The following RIMS3 variants were observed in gnomAD, a reference collection of about 807,000 sequenced individuals.
The protein encoded by RIMS3 is regulating synaptic membrane exocytosis 3.
Under a neutral mutation model 29.2 loss-of-function variants are expected in RIMS3, and 15 were observed. That is an observed-to-expected ratio of 0.51 (90% confidence interval 0.34 to 0.79). The LOEUF (loss-of-function observed/expected upper bound fraction) is 0.79. RIMS3 is among the 30% of genes least tolerant of loss of function. The pLI, the probability that RIMS3 is intolerant of heterozygous loss-of-function variation, is 0.01. For synonymous variants in RIMS3, 161 were observed against 170.1 expected (o/e 0.95, Z 0.41); for missense variants, 342 against 421.4 (o/e 0.81, Z 1.65).
At chr1:40,644,974 T>C (rs1428252536) in intron 2 of RIMS3, among the ~76,000 whole-genome samples, 1 of 152,192 alleles carries the variant, frequency 6.6e-6, no homozygotes, top group Non-Finnish European at 1.5e-5. Context: ...CAGCTGAGAA[T>C]GGTCACCTGG....
At chr1:40,685,358 TAATATAA>T in the RIMS3 span, among the ~76,000 whole-genome samples, 3 of 45,924 alleles carry the variant, frequency 6.5e-5, no homozygotes, top group Admixed American at 1.7e-4. Flanking sequence ...ATATATTATA[TAATATAA>T]TATATATTAA....
chr1:40,634,205 C>T (rs1388751190), intron 4 of RIMS3, among the ~76,000 whole-genome samples: 2 of 152,128 alleles, frequency 1.3e-5, no homozygotes, highest in African/African-American at 2.4e-5. Context: ...GGAAGAATCT[C>T]CTACTAGATA....
At chr1:40,643,640 C>G (rs756050401) in intron 2 of RIMS3, among the ~76,000 whole-genome samples, 3 of 151,944 alleles carry the variant, frequency 2.0e-5, no homozygotes, top group Non-Finnish European at 2.9e-5. Context: ...CCATGCTCAG[C>G]TAATTTTTTT....
At chr1:40,672,194 A>ATTTTTTTT in the RIMS3 span, among the ~76,000 whole-genome samples, 2 of 106,986 alleles carry the variant, frequency 1.9e-5, no homozygotes, top group Non-Finnish European at 1.9e-5. Flanking sequence ...TAGCTAGATG[A>ATTTTTTTT]TTTTTTTTTT....
At chr1:40,645,574 G>A (rs1426417508) in intron 2 of RIMS3, among the ~76,000 whole-genome samples, 1 of 152,120 alleles carries the variant, frequency 6.6e-6, no homozygotes, top group Non-Finnish European at 1.5e-5. Context: ...GTGTCTATAT[G>A]AGAAAAGCCC....
chr1:40,657,804 C>G (rs1642292603), intron 1 of RIMS3, among the ~76,000 whole-genome samples: 1 of 149,734 alleles, frequency 6.7e-6, no homozygotes, highest in Non-Finnish European at 1.5e-5. Flanking sequence ...CCTGTAGTCC[C>G]AACTTCTTGG....
At chr1:40,662,056 A>C (rs1642360585) in intron 1 of RIMS3, among the ~76,000 whole-genome samples, 1 of 152,210 alleles carries the variant, frequency 6.6e-6, no homozygotes, top group Non-Finnish European at 1.5e-5. Flanking sequence ...ACTCCCAAGA[A>C]GGCTCTGCCT....
the RIMS3 span, among the ~76,000 whole-genome samples, chr1:40,674,401 C>A: frequency 2.0e-5 from 3 of 152,192 alleles, no homozygotes; most frequent in Non-Finnish European, 4.4e-5. Flanking sequence ...AACCACCTGG[C>A]CCCTCCAGCC....
chr1:40,681,822 C>A, the RIMS3 span, among the ~76,000 whole-genome samples: 3 of 152,162 alleles, frequency 2.0e-5, no homozygotes, highest in African/African-American at 7.2e-5. Context: ...TTTTCTCCCT[C>A]TAATAACTTT....
chr1:40,676,783 C>T, the RIMS3 span, among the ~76,000 whole-genome samples: 1 of 152,156 alleles, frequency 6.6e-6, no homozygotes, highest in African/African-American at 2.4e-5. Flanking sequence ...ATAATACTCC[C>T]TTGCTTTTGT....
Position 40,621,657 on chromosome 1 carries a change from G to A in RIMS3, c.*4860C>T, listed in dbSNP as rs1333876601. 2 of 152,250 alleles carry A rather than the reference G, an allele frequency of 1.3e-5. No homozygotes were observed. The highest frequency in any genetic ancestry group is 6.5e-5 in the Admixed American group (1 of 15,292). 9.4% of individuals were successfully genotyped at this position (152,250 alleles called of 1,614,324 possible). A position where few individuals can be genotyped will look rare whatever the true frequency, so the allele number is the denominator to read the frequency against. On this transcript the variant is annotated 3_prime_UTR_variant, in exon 8 of 8. Transcript: ENST00000372684. ...GGAAGTTGAGGCCCAGAAAAGTGAGGAGCCTTACCCAAGGTCACAGTTTCT... is the reference window on the plus strand; with the variant it reads ...GGAAGTTGAGGCCCAGAAAAGTGAGAAGCCTTACCCAAGGTCACAGTTTCT...
the RIMS3 span, among the ~76,000 whole-genome samples, chr1:40,673,816 C>A: frequency 1.7e-5 from 1 of 58,596 alleles, no homozygotes; most frequent in Non-Finnish European, 3.6e-5. Context: ...AGCATCAGAG[C>A]CCTGCTGTGC....
intron 7 of RIMS3, among the ~76,000 whole-genome samples, chr1:40,628,586 C>A (rs1433627345): frequency 3.9e-5 from 6 of 152,194 alleles, no homozygotes; most frequent in African/African-American, 1.2e-4. Flanking sequence ...TTCTACCTAC[C>A]AGCTGTGCAA....
rs1482185026 is a variant in RIMS3 at position 40,635,080 on chromosome 1, A to G, written c.359+836T>C. Among the ~76,000 whole-genome samples the G allele has an allele frequency of 6.6e-6, 1 of 152,200 alleles. No homozygotes were observed. The highest frequency in any genetic ancestry group is 1.5e-5 in the Non-Finnish European group (1 of 68,026). ...GAAGATGTAATAAATGCTTGAGAGC[A>G]CTCGCATTCATGGAAGTAGGTGCAG... On this transcript the variant is annotated intron_variant, in intron 4 of 7. Transcript: ENST00000372684. The surrounding 1 kb of genome is among the most constrained non-coding windows in gnomAD (Gnocchi z 4.1).
intron 1 of RIMS3, among the ~76,000 whole-genome samples, chr1:40,649,670 G>A (rs1646618363): frequency 6.6e-6 from 1 of 152,220 alleles, no homozygotes; most frequent in South Asian, 2.1e-4. Context: ...CGCCAGACCG[G>A]ACAAAGGAGC....
At chr1:40,681,763 CAG>C in the RIMS3 span, among the ~76,000 whole-genome samples, 1 of 152,194 alleles carries the variant, frequency 6.6e-6, no homozygotes, top group Non-Finnish European at 1.5e-5. Flanking sequence ...ACCTGACAAA[CAG>C]AGTTTCCAGG....
chr1:40,631,728 C>T (rs1263470658), intron 5 of RIMS3, among the ~76,000 whole-genome samples: 1 of 151,630 alleles, frequency 6.6e-6, no homozygotes, highest in African/African-American at 2.4e-5. Flanking sequence ...GCCTGTAATC[C>T]CGGTACTTTG....
chr1:40,662,408 G>A (rs1304731755), intron 1 of RIMS3, among the ~76,000 whole-genome samples: 1 of 54,254 alleles, frequency 1.8e-5, no homozygotes, highest in Non-Finnish European at 4.0e-5. Flanking sequence ...TCAGTGATAG[G>A]TTCCAGAGCC....
chr1:40,658,495 C>T (rs981063491), intron 1 of RIMS3, among the ~76,000 whole-genome samples: 8 of 152,190 alleles, frequency 5.3e-5, no homozygotes, highest in Admixed American at 3.3e-4. Context: ...CTTCTCTGAG[C>T]GGGGCACTGA....
Sources: gnomAD v4.1 joint callset for allele counts (sites outside exome capture counted in the v4.1 genomes callset) on GRCh38, gnomAD v4.1.1 for gene constraint, Gnocchi (gnomAD v3.1) non-coding constraint, MANE v1.5 for transcripts, NCBI Gene and HGNC (gene_info 2026-07-23, HGNC 2026-07-21) for gene names.